The following EPB41 variants were observed in gnomAD, a reference collection of about 807,000 sequenced individuals.
EPB41 encodes erythrocyte membrane protein band 4.1, also known as protein 4.1.
EPB41 carries 65 observed loss-of-function variants against 108.0 expected under a neutral mutation model. The ratio of observed to expected loss-of-function variants is 0.60; its 90% CI spans 0.49 to 0.74. The LOEUF (loss-of-function observed/expected upper bound fraction) is 0.74, where lower values mean the gene tolerates loss of function less well. EPB41 is among the 30% of genes least tolerant of loss of function. The probability of loss-of-function intolerance (pLI) is 0.00; values close to 1 mark genes in which losing one functional copy is unlikely to be tolerated. For missense variants in EPB41, 875 were observed against 1,037.0 expected (o/e 0.84, Z 2.15); for synonymous variants, 336 against 358.9 (o/e 0.94, Z 0.72).
chr1:29,108,711 C>A (rs1022930745), intron 17 of EPB41, among the ~76,000 whole-genome samples: 17 of 151,654 alleles, frequency 1.1e-4, no homozygotes, highest in African/African-American at 3.9e-4. Context: ...GCAAGCACCA[C>A]CACGTCCGGC....
At chr1:28,908,798 A>T (rs1370247443) in intron 1 of EPB41, among the ~76,000 whole-genome samples, 1 of 152,030 alleles carries the variant, frequency 6.6e-6, no homozygotes, top group Non-Finnish European at 1.5e-5. Context: ...TAACTAAATT[A>T]TGATATATCC....
At chr1:28,965,993 G>C (rs750411262) in intron 1 of EPB41, among the ~76,000 whole-genome samples, 1 of 151,962 alleles carries the variant, frequency 6.6e-6, no homozygotes, top group Admixed American at 6.6e-5. Flanking sequence ...AACCAGCCTG[G>C]CCAACATGAC....
At chr1:29,084,372 T>G (rs2151301177) in intron 16 of EPB41, among the ~76,000 whole-genome samples, 1 of 152,362 alleles carries the variant, frequency 6.6e-6, no homozygotes, top group South Asian at 2.1e-4. Context: ...GGTGACTGAT[T>G]ACAGCATTGG....
chr1:28,948,505 CAA>C (rs34508731), intron 1 of EPB41, among the ~76,000 whole-genome samples: 62 of 90,958 alleles, frequency 6.8e-4, no homozygotes, highest in Middle Eastern at 0.011. Flanking sequence ...GACTCCGTAT[CAA>C]AAAAAAAAAA....
chr1:28,945,436 A>T (rs1028367408), intron 1 of EPB41, among the ~76,000 whole-genome samples: 2 of 152,174 alleles, frequency 1.3e-5, no homozygotes, highest in African/African-American at 4.8e-5. Context: ...AATAATAACT[A>T]CTTGGTATCT....
At chr1:29,030,524 GAAGAT>G in intron 8 of EPB41, 37 bp downstream of exon 8, 1 of 1,422,588 alleles carries the variant, frequency 7.0e-7, no homozygotes, top group Admixed American at 1.7e-5. Flanking sequence ...TATGCATGTG[GAAGAT>G]ATTATATGAT....
intron 11 of EPB41, among the ~76,000 whole-genome samples, chr1:29,043,861 A>G (rs1238321136): frequency 6.6e-6 from 1 of 152,206 alleles, no homozygotes; most frequent in Non-Finnish European, 1.5e-5. Flanking sequence ...CAACAAAGAC[A>G]GGGAAAAGTA....
rs543782766 is a variant in EPB41, at chr1:29,053,311, A to C, written c.1844A>C (p.Lys615Thr). The C allele has an allele frequency of 1.2e-6, 2 of 1,614,236 alleles. No homozygotes were observed. Among genetic ancestry groups the C allele is most frequent in the Non-Finnish European group, 8.5e-7 (1 of 1,180,048 alleles). ...QAEPEPTEAW[K>T]VEKTHIEVTV... ...GAGCCAGAGCCCACAGAAGCATGGA[A>C]GGTATGTCATCAGTCCAAATACCTA... The change falls in exon 12 of 21, where the codon AAG (lysine) becomes ACG (threonine). Residue 615 changes from lysine (K) to threonine (T), a missense_variant and splice_region_variant. Coordinates refer to ENST00000343067, the MANE Select transcript of EPB41 (RefSeq NM_001376013.1).
intron 10 of EPB41, 59 bp from the exon 11 acceptor site, chr1:29,039,195 C>T: frequency 6.6e-7 from 1 of 1,512,650 alleles, no homozygotes; most frequent in Non-Finnish European, 9.0e-7. Flanking sequence ...TTTAATTTTA[C>T]AGTTTTAGAA....
chr1:29,103,484 T>G (rs1666131837), intron 17 of EPB41, among the ~76,000 whole-genome samples: 1 of 152,210 alleles, frequency 6.6e-6, no homozygotes, highest in South Asian at 2.1e-4. Context: ...GAGCCTTAGT[T>G]TTCTCTTCTG....
chr1:29,043,023 T>A (rs1260820650), intron 11 of EPB41, among the ~76,000 whole-genome samples: 1 of 152,226 alleles, frequency 6.6e-6, no homozygotes, highest in Admixed American at 6.5e-5. Flanking sequence ...ATTTTTCCTA[T>A]GGGCCAGATG....
chr1:28,936,989 T>C (rs2094058768), intron 1 of EPB41, among the ~76,000 whole-genome samples: 2 of 152,210 alleles, frequency 1.3e-5, no homozygotes. Flanking sequence ...AACTGCCACA[T>C]GGTTTTTCAC....
rs149195409 is a variant in EPB41 at position 29,029,654 on chromosome 1, C to G, written c.1125-746C>G. On this transcript the variant is annotated intron_variant, in intron 7 of 20. Transcript: ENST00000343067. ...CAGCTCATGAACACTTTTCAAAAGA[C>G]GGGAAATTTATAGAGGAGAAGAAAA... is the stretch of plus-strand genomic sequence containing the variant. Among the ~76,000 whole-genome samples the G allele has an allele frequency of 3.8e-3, 583 of 152,144 alleles. 6 individuals are homozygous for G. Among genetic ancestry groups the G allele is most frequent in the African/African-American group, 0.013 (539 of 41,506 alleles).
intron 18 of EPB41, chr1:29,109,760 A>G (rs1668524173): frequency 5.2e-6 from 2 of 383,748 alleles, no homozygotes; most frequent in Non-Finnish European, 1.0e-5. Flanking sequence ...ATGGCCAGGC[A>G]TGGTGGCCCA....
intron 1 of EPB41, among the ~76,000 whole-genome samples, chr1:28,955,736 T>C (rs941857306): frequency 3.3e-5 from 5 of 152,008 alleles, no homozygotes; most frequent in African/African-American, 4.8e-5. Flanking sequence ...GTGGAGAAGA[T>C]TGAGTGAGAG....
intron 1 of EPB41, among the ~76,000 whole-genome samples, chr1:28,921,169 G>T (rs1418122815): frequency 6.6e-6 from 1 of 152,120 alleles, no homozygotes; most frequent in Non-Finnish European, 1.5e-5. Context: ...ATTAGGCCAA[G>T]GTTTAGTTGT....
At chr1:28,982,740 C>T in intron 1 of EPB41, 1 of 490,790 alleles carries the variant, frequency 2.0e-6, no homozygotes, top group Admixed American at 3.2e-5. Flanking sequence ...ATGAATACAC[C>T]TTGTCTGCTC....
At position 29,117,187 on chromosome 1, in the gene EPB41, A is replaced by G. The variant is rs1671158461; in HGVS notation, c.*375A>G. ...ATGGAATTCTTCGGGAAATCCTCCA[A>G]GGACTCTTGTCAGCTGTGTTGGAAG... On this transcript the variant is annotated 3_prime_UTR_variant, in exon 21 of 21. Transcript: ENST00000343067. 6.6e-6 allele frequency: 1 copy of G among 152,390 alleles called. No individual in the cohort carries two copies. Among genetic ancestry groups the G allele is most frequent in the African/African-American group, 2.4e-5 (1 of 41,434 alleles). 9.4% of individuals were successfully genotyped at this position (152,390 alleles called of 1,614,324 possible). A position where few individuals can be genotyped will look rare whatever the true frequency, so the allele number is the denominator to read the frequency against.
chr1:28,991,849 C>T (rs1402052469), intron 2 of EPB41, among the ~76,000 whole-genome samples: 2 of 152,246 alleles, frequency 1.3e-5, no homozygotes, highest in African/African-American at 2.4e-5. Flanking sequence ...ATTATCCTCC[C>T]TCTATCAAGT....
Sources: allele counts gnomAD v4.1 joint callset (sites outside exome capture counted in the v4.1 genomes callset), GRCh38; gene constraint gnomAD v4.1.1; transcripts MANE v1.5; gene names NCBI Gene and HGNC (gene_info 2026-07-23, HGNC 2026-07-21).